DAPK1: variants seen among roughly 807,000 people sequenced by gnomAD.
DAPK1 encodes death associated protein kinase 1, also known as death-associated protein kinase 1.
In DAPK1, 56 loss-of-function variants were observed where a neutral mutation model predicts 144.9. That is an observed-to-expected ratio of 0.39 (90% confidence interval 0.31 to 0.48). DAPK1 has a LOEUF of 0.48. Among genes scored for constraint, DAPK1 ranks in the 20% least tolerant of loss-of-function variants. The pLI, the probability that DAPK1 is intolerant of heterozygous loss-of-function variation, is 0.95. For synonymous variants in DAPK1, 690 were observed against 749.0 expected (o/e 0.92, Z 1.29); for missense variants, 1,454 against 1,875.4 (o/e 0.78, Z 4.15).
chr9:87,640,180 C>G, intron 7 of DAPK1, 118 bp from the exon 8 acceptor site: 1 of 1,033,602 alleles, frequency 9.7e-7, no homozygotes. Flanking sequence ...TATAATCAAA[C>G]TGTGACTATT....
intron 2 of DAPK1, among the ~76,000 whole-genome samples, chr9:87,551,164 T>C (rs1306621692): frequency 7.0e-6 from 1 of 143,826 alleles, no homozygotes; most frequent in Non-Finnish European, 1.6e-5. Flanking sequence ...TTTTTTTTTT[T>C]TGAGGCGGAG....
At chr9:87,681,697 A>AG (rs977570418) in intron 20 of DAPK1, 71 bp downstream of exon 20, 2 of 806,960 alleles carry the variant, frequency 2.5e-6, no homozygotes, top group Middle Eastern at 2.2e-4. Context: ...TTCAAGGTCT[A>AG]GGGGGGAAGG....
At chr9:87,633,503 CA>C (rs1467429245) in intron 3 of DAPK1, 1 of 396,754 alleles carries the variant, frequency 2.5e-6, no homozygotes, top group Non-Finnish European at 3.4e-6. Flanking sequence ...TGCTTCATAA[CA>C]AGTTGAGATT....
At chr9:87,586,588 A>C (rs1423245198) in intron 2 of DAPK1, among the ~76,000 whole-genome samples, 1 of 152,084 alleles carries the variant, frequency 6.6e-6, no homozygotes, top group Non-Finnish European at 1.5e-5. Context: ...TAAATACATT[A>C]ATGTATATCA....
At position 87,586,641 on chromosome 9, in the gene DAPK1, T is replaced by C. The variant is rs190290200; in HGVS notation, c.63-18313T>C. On this transcript the variant is annotated intron_variant, in intron 2 of 25. Transcript: ENST00000408954. ...TCAGACTAAGTTTTCATAGATTTTA[T>C]TGTGTAAAGTTTTATTCTTTTTGCC... Among the ~76,000 whole-genome samples the C allele has an allele frequency of 2.0e-5, 3 of 152,346 alleles. No homozygotes were observed. The East Asian group carries it at 5.8e-4, about 29-fold the overall frequency.
chr9:87,511,771 C>T (rs1391193939), intron 2 of DAPK1, among the ~76,000 whole-genome samples: 3 of 151,248 alleles, frequency 2.0e-5, no homozygotes, highest in African/African-American at 2.4e-5. Flanking sequence ...AGTGCAGTGG[C>T]GCGATCTCGG....
chr9:87,703,287 C>A, intron 25 of DAPK1, 70 bp downstream of exon 25: 1 of 852,872 alleles, frequency 1.2e-6, no homozygotes. Context: ...CAAATTCCAG[C>A]TCTTGGAAGT....
chr9:87,618,089 C>A (rs1400270944), intron 3 of DAPK1, among the ~76,000 whole-genome samples: 2 of 152,210 alleles, frequency 1.3e-5, no homozygotes, highest in African/African-American at 4.8e-5. Context: ...ACAGCATCCT[C>A]TAGTTTCTCT....
Position 87,545,842 on chromosome 9 carries a change from G to A in DAPK1, c.62+46703G>A, listed in dbSNP as rs534474943. ...TTACAGGTGTGAGCCACCACACCTG[G>A]CCACATTTCAGCCTTAAAATAAAGG... On this transcript the variant is annotated intron_variant, in intron 2 of 25. Transcript: ENST00000408954. Among the ~76,000 whole-genome samples the A allele has an allele frequency of 5.4e-4, 82 of 152,226 alleles. No homozygotes were observed. In the Middle Eastern group the frequency reaches 0.017, roughly 32 times the overall value.
chr9:87,624,513 G>C (rs553435556), intron 3 of DAPK1, among the ~76,000 whole-genome samples: 1 of 152,236 alleles, frequency 6.6e-6, no homozygotes, highest in African/African-American at 2.4e-5. Context: ...GATTCAAGGC[G>C]ATGCAGCAAA....
rs775752890 is a variant in DAPK1, at chr9:87,698,753, A to G, written c.2709A>G (p.Gly903=). The change falls in exon 23 of 26, where the codon GGA becomes GGG. Residue 903 remains glycine, a synonymous_variant. Coordinates refer to ENST00000408954, the MANE Select transcript of DAPK1 (RefSeq NM_004938.4). ...CTCGACCGGCTGGAGGCGAGTTTGG[A>G]TATGACAAAGACACATCGTTGCTGA... ...NVPRPAGGEF[G]YDKDTSLLKE... 1 of 1,607,550 alleles carries G rather than the reference A, an allele frequency of 6.2e-7. No individual in the cohort carries two copies. The highest frequency in any genetic ancestry group is 2.2e-5 in the East Asian group (1 of 44,836).
At chr9:87,613,772 C>G (rs1489537102) in intron 3 of DAPK1, among the ~76,000 whole-genome samples, 3 of 152,198 alleles carry the variant, frequency 2.0e-5, no homozygotes, top group East Asian at 3.8e-4. Context: ...GCCCTTCAGT[C>G]TCCCTGTCTC....
At chr9:87,680,689 T>C (rs931147440) in intron 19 of DAPK1, among the ~76,000 whole-genome samples, 2 of 151,544 alleles carry the variant, frequency 1.3e-5, no homozygotes, top group African/African-American at 4.8e-5. Context: ...GGCTTCACAG[T>C]TGCTCCATCC....
rs79364147 is a variant in DAPK1, at chr9:87,538,120, C to A, written c.62+38981C>A. Among the ~76,000 whole-genome samples the A allele has an allele frequency of 8.5e-3, 1,295 of 152,166 alleles. 22 individuals are homozygous for A. Among genetic ancestry groups the A allele is most frequent in the African/African-American group, 0.03 (1,231 of 41,512 alleles). On this transcript the variant is annotated intron_variant, in intron 2 of 25. Coordinates refer to ENST00000408954, the MANE Select transcript of DAPK1 (RefSeq NM_004938.4). The stretch of plus-strand genomic sequence containing the variant: ...CATTGTTTAAATGAATTCACCAAGA[C>A]AATAGTTGTGGAATCTTTTCAGAGG...
chr9:87,681,313 G>A (rs1824609359), intron 19 of DAPK1, 91 bp from the exon 20 acceptor site: 4 of 751,042 alleles, frequency 5.3e-6, no homozygotes, highest in Non-Finnish European at 9.3e-6. Flanking sequence ...TTCAGCATGG[G>A]TAAAAACTGC....
intron 2 of DAPK1, among the ~76,000 whole-genome samples, chr9:87,500,719 C>T (rs924206516): frequency 2.6e-5 from 4 of 151,896 alleles, no homozygotes; most frequent in East Asian, 3.9e-4. Flanking sequence ...ATTTCGTGGG[C>T]GTGATGATGA....
chr9:87,535,961 C>A (rs984945700), intron 2 of DAPK1, among the ~76,000 whole-genome samples: 1 of 152,098 alleles, frequency 6.6e-6, no homozygotes, highest in African/African-American at 2.4e-5. Context: ...CAGACTGTTA[C>A]CTTGGTAGTG....
chr9:87,513,888 T>C (rs1260961894), intron 2 of DAPK1, among the ~76,000 whole-genome samples: 1 of 152,206 alleles, frequency 6.6e-6, no homozygotes, highest in East Asian at 1.9e-4. Context: ...CAGCCTGTTC[T>C]GGATAGTTTT....
At chr9:87,588,981 C>T (rs1828032483) in intron 2 of DAPK1, among the ~76,000 whole-genome samples, 1 of 151,656 alleles carries the variant, frequency 6.6e-6, no homozygotes, top group African/African-American at 2.4e-5. Flanking sequence ...CTCCACTTCC[C>T]AGGTTCAAGT....
Sources: gnomAD v4.1 joint callset for allele counts (sites outside exome capture counted in the v4.1 genomes callset) on GRCh38, gnomAD v4.1.1 for gene constraint, MANE v1.5 for transcripts, NCBI Gene and HGNC (gene_info 2026-07-23, HGNC 2026-07-21) for gene names.